CYTH1: variants seen among roughly 807,000 people sequenced by gnomAD.
CYTH1 encodes cytohesin 1.
Under a neutral mutation model 61.8 loss-of-function variants are expected in CYTH1, and 18 were observed. The ratio of observed to expected loss-of-function variants is 0.29; its 90% confidence interval spans 0.20 to 0.43. The LOEUF is 0.43. CYTH1 is among the 20% of genes least tolerant of loss of function. The pLI is 1.00. For synonymous variants in CYTH1, 174 were observed against 184.3 expected (o/e 0.94, Z 0.45); for missense variants, 336 against 510.5 (o/e 0.66, Z 3.29).
intron 1 of CYTH1, among the ~76,000 whole-genome samples, chr17:78,767,735 A>G (rs2093454890): frequency 6.6e-6 from 1 of 152,050 alleles, no homozygotes; most frequent in South Asian, 2.1e-4. Flanking sequence ...TAAAAATTAG[A>G]GAGGTCTAGA....
intron 11 of CYTH1, among the ~76,000 whole-genome samples, chr17:78,690,089 T>C (rs2092863320): frequency 6.6e-6 from 1 of 151,868 alleles, no homozygotes; most frequent in Non-Finnish European, 1.5e-5. Context: ...GTGTGGAAGT[T>C]TCAATCTACC....
intron 1 of CYTH1, among the ~76,000 whole-genome samples, chr17:78,727,256 G>A (rs906293427): frequency 2.8e-4 from 42 of 152,192 alleles, no homozygotes; most frequent in African/African-American, 1.0e-3. Flanking sequence ...GCTTTTAGGC[G>A]AGTCAGCATT....
At chr17:78,780,057 A>T (rs1306056252) in intron 1 of CYTH1, among the ~76,000 whole-genome samples, 3 of 152,260 alleles carry the variant, frequency 2.0e-5, no homozygotes, top group Non-Finnish European at 4.4e-5. Context: ...AGGCCACAAA[A>T]GCCTGGTAGG....
Position 78,682,013 on chromosome 17 carries a change from G to A in CYTH1, c.892-971C>T, listed in dbSNP as rs28607350. ...AAATACCATATTAGAACTGCCTTTT[G>A]ACTGCTTGATTTTAGATGTTATCTA... On this transcript the variant is annotated intron_variant, in intron 11 of 13. Transcript: ENST00000446868. Among the ~76,000 whole-genome samples the A allele has an allele frequency of 6.3e-3, 964 of 151,990 alleles. 13 individuals are homozygous for A. Among genetic ancestry groups the A allele is most frequent in the African/African-American group, 0.022 (915 of 41,422 alleles).
At chr17:78,768,993 A>G (rs577933046) in intron 1 of CYTH1, among the ~76,000 whole-genome samples, 1 of 152,274 alleles carries the variant, frequency 6.6e-6, no homozygotes, top group African/African-American at 2.4e-5. Flanking sequence ...TAAAAATACA[A>G]AAACTAGCCA....
At chr17:78,736,952 G>A (rs1212573912) in intron 1 of CYTH1, 1 of 157,768 alleles carries the variant, frequency 6.3e-6, no homozygotes, top group African/African-American at 2.4e-5. Context: ...CTCCCAGTCA[G>A]TGCCACCACC....
intron 3 of CYTH1, among the ~76,000 whole-genome samples, chr17:78,704,961 A>G (rs1212495463): frequency 6.6e-6 from 1 of 152,220 alleles, no homozygotes; most frequent in Non-Finnish European, 1.5e-5. Context: ...TTTCAGCCAG[A>G]ATGAAGGGTT....
At chr17:78,691,329 G>C (rs1352537567) in intron 11 of CYTH1, 1 of 152,234 alleles carries the variant, frequency 6.6e-6, no homozygotes, top group Non-Finnish European at 1.5e-5. Flanking sequence ...GATGTCCATG[G>C]GGATGGAGAA....
rs137927194 is a variant in CYTH1, at chr17:78,701,903, G to A, written c.357-152C>T. On this transcript the variant is annotated intron_variant, in intron 5 of 13. Transcript: ENST00000446868. ...TGTGCACACTGTCCGCAAGAAGACT[G>A]GCTAGCTCTGCTGACTGGCTGAACA... 258 of 816,222 alleles carry A rather than the reference G, an allele frequency of 3.2e-4. No individual in the cohort carries two copies. The African/African-American group carries it at 3.6e-3, about 11-fold the overall frequency. 50.6% of individuals were successfully genotyped at this position (816,222 alleles called of 1,614,324 possible).
At chr17:78,711,302 AATATAT>A (rs139889127) in intron 1 of CYTH1, among the ~76,000 whole-genome samples, 185 of 132,242 alleles carry the variant, frequency 1.4e-3, no homozygotes, top group African/African-American at 5.4e-3. Context: ...ATAAATAAAT[AATATAT>A]ATATATACAC....
chr17:78,726,042 CTTTTTT>C (rs1159169142), intron 1 of CYTH1, among the ~76,000 whole-genome samples: 1 of 130,756 alleles, frequency 7.6e-6, no homozygotes, highest in Non-Finnish European at 1.6e-5. Context: ...ATTCAACAGT[CTTTTTT>C]TTTTTTTTTT....
chr17:78,753,238 T>C (rs751572496), intron 1 of CYTH1, among the ~76,000 whole-genome samples: 48 of 152,180 alleles, frequency 3.2e-4, no homozygotes, highest in African/African-American at 6.7e-4. Context: ...GGTGGGAGAA[T>C]TGCTTGAGGC....
At chr17:78,757,763 T>G (rs892832098) in intron 1 of CYTH1, among the ~76,000 whole-genome samples, 17 of 151,888 alleles carry the variant, frequency 1.1e-4, no homozygotes, top group African/African-American at 4.1e-4. Context: ...AAACCCCTTC[T>G]CTACTAAAAA....
chr17:78,762,417 T>C (rs2093432632), intron 1 of CYTH1, among the ~76,000 whole-genome samples: 1 of 152,268 alleles, frequency 6.6e-6, no homozygotes, highest in Admixed American at 6.5e-5. Context: ...TGAGGCACAC[T>C]TCCATAAGAA....
chr17:78,780,589 G>C (rs927781042), intron 1 of CYTH1, among the ~76,000 whole-genome samples: 16 of 152,324 alleles, frequency 1.1e-4, no homozygotes, highest in African/African-American at 3.4e-4. Flanking sequence ...GTAACAAGTG[G>C]GCTGGGTGTG....
chr17:78,701,646 A>C, intron 6 of CYTH1, 25 bp downstream of exon 6: 1 of 1,611,644 alleles, frequency 6.2e-7, no homozygotes, highest in Non-Finnish European at 8.5e-7. Flanking sequence ...CTCCTTCCAA[A>C]GGGGCTCACC....
intron 9 of CYTH1, chr17:78,696,577 A>G (rs2092941132): frequency 6.5e-6 from 1 of 152,736 alleles, no homozygotes; most frequent in African/African-American, 2.4e-5. Context: ...GAGTGATACT[A>G]AGTGTGCTAC....
chr17:78,717,821 C>A lies in CYTH1; in HGVS notation c.23-8089G>T, dbSNP rs962144978. ...GTGGGTACCGTCAAATGAACGTGTC[C>A]AAGGCATGCTTTAGGACCAGGATGT... On this transcript the variant is annotated intron_variant, in intron 1 of 13. Transcript: ENST00000446868. This position sits in a 1 kb window ranked among gnomAD's most constrained non-coding sequence, Gnocchi z 4.4. Among the ~76,000 whole-genome samples the A allele has an allele frequency of 6.6e-6, 1 of 152,104 alleles. No homozygotes were observed. Among genetic ancestry groups the A allele is most frequent in the Non-Finnish European group, 1.5e-5 (1 of 68,018 alleles).
At chr17:78,718,079 TAGTC>T (rs1476045630) in intron 1 of CYTH1, among the ~76,000 whole-genome samples, 1 of 152,102 alleles carries the variant, frequency 6.6e-6, no homozygotes, top group Non-Finnish European at 1.5e-5. Flanking sequence ...GTAACTACCT[TAGTC>T]AGAGTTGCTC....
Sources: allele counts gnomAD v4.1 joint callset (sites outside exome capture counted in the v4.1 genomes callset), GRCh38; gene constraint gnomAD v4.1.1; non-coding constraint Gnocchi (gnomAD v3.1); transcripts MANE v1.5; gene names NCBI Gene and HGNC (gene_info 2026-07-23, HGNC 2026-07-21).